Variants in ZFPM2 observed in about 807,000 individuals in gnomAD.
ZFPM2 encodes zinc finger protein ZFPM2.
A neutral mutation model predicts 98.6 loss-of-function variants in ZFPM2; 20 were observed. The observed-to-expected ratio is 0.20, with a 90% CI of 0.14 to 0.29. The LOEUF is 0.29. Ranked by LOEUF, ZFPM2 falls within the 10% of genes least tolerant of loss-of-function variation. The pLI is 1.00. For synonymous variants in ZFPM2, 518 were observed against 502.7 expected (o/e 1.03, Z -0.41); for missense variants, 1,310 against 1,388.6 (o/e 0.94, Z 0.90).
intron 1 of ZFPM2, among the ~76,000 whole-genome samples, chr8:105,330,039 T>C (rs1213373538): frequency 1.3e-5 from 2 of 151,614 alleles, no homozygotes; most frequent in African/African-American, 4.8e-5. Context: ...ATAAATGTTC[T>C]TGGAAAGAAA....
chr8:105,683,043 A>G (rs12056480), intron 5 of ZFPM2, among the ~76,000 whole-genome samples: 6,657 of 152,154 alleles, frequency 0.044, 186 homozygotes, highest in Middle Eastern at 0.14. Context: ...GTGTCCTTAC[A>G]TGGTGGAAAG....
intron 1 of ZFPM2, among the ~76,000 whole-genome samples, chr8:105,379,102 A>T (rs1273011375): frequency 1.3e-5 from 2 of 152,128 alleles, no homozygotes; most frequent in Non-Finnish European, 2.9e-5. Flanking sequence ...GTGGTTTTAA[A>T]ATTGAATTTA....
chr8:105,683,230 C>T (rs1810650760), intron 5 of ZFPM2, among the ~76,000 whole-genome samples: 1 of 152,092 alleles, frequency 6.6e-6, no homozygotes, highest in African/African-American at 2.4e-5. Flanking sequence ...TAGCAAGCAC[C>T]TGTGTTGTAA....
chr8:105,363,805 G>C (rs1810452692), intron 1 of ZFPM2, among the ~76,000 whole-genome samples: 1 of 152,110 alleles, frequency 6.6e-6, no homozygotes, highest in Admixed American at 6.6e-5. Context: ...AAGATACTAA[G>C]GAGCTGTGTA....
At chr8:105,584,713 A>G (rs1377734801) in intron 4 of ZFPM2, among the ~76,000 whole-genome samples, 1 of 152,208 alleles carries the variant, frequency 6.6e-6, no homozygotes, top group Non-Finnish European at 1.5e-5. Flanking sequence ...GAGGCCTGAT[A>G]AAACCCTCTG....
At chr8:105,761,034 T>C (rs918654926) in intron 5 of ZFPM2, among the ~76,000 whole-genome samples, 3 of 151,986 alleles carry the variant, frequency 2.0e-5, no homozygotes, top group Non-Finnish European at 2.9e-5. Context: ...CAAGTTATAA[T>C]AGAACACACA....
intron 1 of ZFPM2, among the ~76,000 whole-genome samples, chr8:105,344,982 CAAG>C (rs1812492030): frequency 1.3e-5 from 2 of 152,016 alleles, no homozygotes; most frequent in African/African-American, 4.8e-5. Context: ...CACTCAAATC[CAAG>C]AAGATCATAT....
chr8:105,571,691 A>G (rs1243338246), intron 4 of ZFPM2, among the ~76,000 whole-genome samples: 1 of 152,220 alleles, frequency 6.6e-6, no homozygotes, highest in South Asian at 2.1e-4. Context: ...CAATTAATAC[A>G]TTCAGTAACT....
chr8:105,757,182 C>T (rs1812620957), intron 5 of ZFPM2, among the ~76,000 whole-genome samples: 2 of 152,138 alleles, frequency 1.3e-5, no homozygotes. Flanking sequence ...TGAGAGAATA[C>T]TAATAGCATG....
intron 3 of ZFPM2, among the ~76,000 whole-genome samples, chr8:105,515,348 T>C (rs951987547): frequency 5.3e-5 from 8 of 152,220 alleles, no homozygotes; most frequent in African/African-American, 1.4e-4. Flanking sequence ...AATAGGAGGA[T>C]TGAGTGTTTA....
intron 5 of ZFPM2, among the ~76,000 whole-genome samples, chr8:105,665,505 G>A (rs1817472468): frequency 6.6e-6 from 1 of 152,134 alleles, no homozygotes; most frequent in Admixed American, 6.5e-5. Context: ...TAATTTCAGG[G>A]AGGAATCTAT....
chr8:105,795,029 C>T (rs1433308938), intron 6 of ZFPM2, among the ~76,000 whole-genome samples: 2 of 152,208 alleles, frequency 1.3e-5, no homozygotes, highest in African/African-American at 2.4e-5. Flanking sequence ...ACCCCTTGCG[C>T]TTCCCGAGTG....
intron 3 of ZFPM2, among the ~76,000 whole-genome samples, chr8:105,526,168 A>C (rs1022369493): frequency 6.6e-6 from 1 of 151,908 alleles, no homozygotes; most frequent in Non-Finnish European, 1.5e-5. Flanking sequence ...TTTAGGGATA[A>C]TTTTTTTCCC....
chr8:105,496,067 A>C (rs1364265036), intron 3 of ZFPM2, among the ~76,000 whole-genome samples: 1 of 152,212 alleles, frequency 6.6e-6, no homozygotes, highest in East Asian at 1.9e-4. Flanking sequence ...GACTTTATTC[A>C]GATTTCTGAA....
At chr8:105,320,674 C>G (rs1346724778) in intron 1 of ZFPM2, among the ~76,000 whole-genome samples, 1 of 152,168 alleles carries the variant, frequency 6.6e-6, no homozygotes, top group Non-Finnish European at 1.5e-5. Context: ...TTGTATGGCA[C>G]AAGACCATCT....
chr8:105,585,793 G>A (rs879299078), intron 4 of ZFPM2, among the ~76,000 whole-genome samples: 7 of 151,978 alleles, frequency 4.6e-5, no homozygotes, highest in Admixed American at 3.3e-4. Flanking sequence ...CGATCATGCC[G>A]TTGCACTCCA....
intron 2 of ZFPM2, among the ~76,000 whole-genome samples, chr8:105,420,537 G>A (rs1457180573): frequency 3.3e-5 from 5 of 152,104 alleles, no homozygotes; most frequent in Admixed American, 1.3e-4. Context: ...ATAACTTGTA[G>A]CATGGTCCTT....
chr8:105,620,104 C>A (rs961454982), intron 4 of ZFPM2, among the ~76,000 whole-genome samples: 4 of 152,166 alleles, frequency 2.6e-5, no homozygotes, highest in Non-Finnish European at 2.9e-5. Context: ...GAGGAATCGC[C>A]ACACTGTCTT....
chr8:105,514,263 A>G (rs1268243213), intron 3 of ZFPM2, among the ~76,000 whole-genome samples: 2 of 149,408 alleles, frequency 1.3e-5, no homozygotes, highest in Non-Finnish European at 3.0e-5. Flanking sequence ...TTGGCCTCCC[A>G]AAGTGCTGGG....
Sources: allele counts gnomAD v4.1 joint callset (sites outside exome capture counted in the v4.1 genomes callset), GRCh38; gene constraint gnomAD v4.1.1; transcripts MANE v1.5; gene names NCBI Gene and HGNC (gene_info 2026-07-23, HGNC 2026-07-21).